CTNNA2: variants seen among roughly 807,000 people sequenced by gnomAD.
CTNNA2 encodes catenin alpha-2.
A neutral mutation model predicts 101.0 loss-of-function variants in CTNNA2; 42 were observed. The ratio of observed to expected loss-of-function variants is 0.42; its 90% CI spans 0.32 to 0.54. The LOEUF is 0.54. Among genes scored for constraint, CTNNA2 ranks in the 20% least tolerant of loss-of-function variants. The pLI is 0.14. For synonymous variants in CTNNA2, 450 were observed against 456.4 expected, an observed-to-expected ratio of 0.99 and a Z score of 0.18; for missense variants, 871 against 1,223.1, an observed-to-expected ratio of 0.71 and a Z score of 4.29.
chr2:80,385,780 A>G (rs978808441), intron 7 of CTNNA2, among the ~76,000 whole-genome samples: 5 of 151,084 alleles, frequency 3.3e-5, no homozygotes, highest in Non-Finnish European at 7.4e-5. Flanking sequence ...TGTGGGGTCT[A>G]TTTTTGGAGA....
chr2:80,361,737 T>A (rs1254438946), intron 7 of CTNNA2, among the ~76,000 whole-genome samples: 1 of 152,128 alleles, frequency 6.6e-6, no homozygotes, highest in Non-Finnish European at 1.5e-5. Context: ...GTGTCACCTG[T>A]TGGGGAAATA....
intron 2 of CTNNA2, among the ~76,000 whole-genome samples, chr2:79,242,969 AAT>A (rs137898899): frequency 0.034 from 4,281 of 127,074 alleles, 134 homozygotes; most frequent in African/African-American, 0.07. Context: ...CCTGTCTCGA[AAT>A]ATATATATAT....
chr2:80,328,316 G>T, intron 7 of CTNNA2: 1 of 471,188 alleles, frequency 2.1e-6, no homozygotes, highest in Non-Finnish European at 4.4e-6. Context: ...AGCTGCATTG[G>T]AACCTTTCAT....
At chr2:80,269,632 T>C (rs1470730847) in intron 7 of CTNNA2, among the ~76,000 whole-genome samples, 1 of 152,146 alleles carries the variant, frequency 6.6e-6, no homozygotes, top group Non-Finnish European at 1.5e-5. Context: ...CCCAGCAGAT[T>C]CAACTATGAA....
chr2:79,344,896 C>G (rs905654645), intron 3 of CTNNA2, among the ~76,000 whole-genome samples: 3 of 144,670 alleles, frequency 2.1e-5, no homozygotes, highest in African/African-American at 7.6e-5. Context: ...TATATAAAGT[C>G]TTAAATACAT....
At chr2:79,618,358 T>G (rs987269527) in intron 1 of CTNNA2, among the ~76,000 whole-genome samples, 14 of 152,214 alleles carry the variant, frequency 9.2e-5, no homozygotes, top group Non-Finnish European at 1.9e-4. Context: ...TACAAGCACT[T>G]CTCTTTCTAT....
intron 3 of CTNNA2, among the ~76,000 whole-genome samples, chr2:79,809,322 G>T (rs566425391): frequency 1.4e-3 from 210 of 152,292 alleles, no homozygotes; most frequent in Non-Finnish European, 2.6e-3. Context: ...GGATTGCGGG[G>T]TCAAATGATA....
chr2:79,498,862 G>C (rs949005709), intron 4 of CTNNA2: 7 of 152,140 alleles, frequency 4.6e-5, no homozygotes, highest in African/African-American at 1.7e-4. Context: ...CTCCACATTA[G>C]TGTATTTGAA....
chr2:80,619,022 C>CTT (rs56987036), intron 17 of CTNNA2, 63 bp from the exon 18 acceptor site: 34,466 of 876,830 alleles, frequency 0.039, 25 homozygotes, highest in East Asian at 0.051. Flanking sequence ...AAGTAGGGTA[C>CTT]TTTTTTTTTT....
At chr2:80,524,063 C>T (rs1434654971) in intron 9 of CTNNA2, among the ~76,000 whole-genome samples, 1 of 152,134 alleles carries the variant, frequency 6.6e-6, no homozygotes, top group Non-Finnish European at 1.5e-5. Context: ...AAAAGCATAG[C>T]TGCTGATGGG....
At chr2:80,000,571 C>G (rs1692874267) in intron 7 of CTNNA2, among the ~76,000 whole-genome samples, 1 of 152,112 alleles carries the variant, frequency 6.6e-6, no homozygotes. Flanking sequence ...CAGCCACTTC[C>G]CTCAATTAAC....
chr2:80,025,830 A>T (rs1245880646), intron 7 of CTNNA2, among the ~76,000 whole-genome samples: 1 of 152,190 alleles, frequency 6.6e-6, no homozygotes, highest in African/African-American at 2.4e-5. Flanking sequence ...TAGCTATTGC[A>T]CCATCTCCTC....
At chr2:80,596,225 C>G (rs943252177) in intron 15 of CTNNA2, among the ~76,000 whole-genome samples, 4 of 129,176 alleles carry the variant, frequency 3.1e-5, no homozygotes, top group African/African-American at 1.2e-4. Flanking sequence ...CATCCTGAGA[C>G]TTTACTGAAG....
intron 9 of CTNNA2, among the ~76,000 whole-genome samples, chr2:80,461,331 C>T (rs1297251430): frequency 1.3e-5 from 2 of 152,078 alleles, no homozygotes; most frequent in East Asian, 3.9e-4. Flanking sequence ...TTGGAGTTCC[C>T]ATTATCCCTG....
At chr2:80,094,645 A>G (rs1204983430) in intron 7 of CTNNA2, among the ~76,000 whole-genome samples, 1 of 151,464 alleles carries the variant, frequency 6.6e-6, no homozygotes, top group Non-Finnish European at 1.5e-5. Flanking sequence ...TGAGCATGGA[A>G]TGTTCTTCCA....
chr2:80,484,636 C>T (rs1686406047), intron 9 of CTNNA2, among the ~76,000 whole-genome samples: 1 of 152,026 alleles, frequency 6.6e-6, no homozygotes, highest in Admixed American at 6.6e-5. Flanking sequence ...GTTTTGATAC[C>T]AAATAATAAA....
chr2:79,923,856 G>C (rs1686842543), intron 7 of CTNNA2, among the ~76,000 whole-genome samples: 1 of 151,998 alleles, frequency 6.6e-6, no homozygotes, highest in East Asian at 1.9e-4. Context: ...TTGTCATTTT[G>C]TGTTGGCAGG....
chr2:79,274,569 C>T (rs1675165378), intron 2 of CTNNA2, among the ~76,000 whole-genome samples: 2 of 151,976 alleles, frequency 1.3e-5, no homozygotes, highest in Non-Finnish European at 1.5e-5. Context: ...TACTATATAT[C>T]ATTCAAGTAT....
chr2:79,668,246 C>CAAAAAAAA (rs34348942), intron 2 of CTNNA2, among the ~76,000 whole-genome samples: 3 of 69,304 alleles, frequency 4.3e-5, no homozygotes, highest in African/African-American at 1.4e-4. Context: ...GACTCCGTCT[C>CAAAAAAAA]AAAAAAAAAA....
Sources: gnomAD v4.1 joint callset for allele counts (sites outside exome capture counted in the v4.1 genomes callset) on GRCh38, gnomAD v4.1.1 for gene constraint, MANE v1.5 for transcripts, NCBI Gene and HGNC (gene_info 2026-07-23, HGNC 2026-07-21) for gene names.